Variants in ATP6V1B2 observed in about 807,000 individuals in gnomAD.
ATP6V1B2 encodes ATPase H+ transporting V1 subunit B2.
In ATP6V1B2, 23 loss-of-function variants were observed where a neutral mutation model predicts 66.7. The ratio of observed to expected loss-of-function variants is 0.34; its 90% CI spans 0.25 to 0.49. ATP6V1B2 has a LOEUF of 0.49. ATP6V1B2 is among the 20% of genes least tolerant of loss of function. The pLI is 0.99. For missense variants in ATP6V1B2, 478 were observed against 650.8 expected, an observed-to-expected ratio of 0.73 and a Z score of 2.89; for synonymous variants, 278 against 236.7, an observed-to-expected ratio of 1.17 and a Z score of -1.60.
chr8:20,198,380 G>A (rs1276168014), intron 1 of ATP6V1B2, among the ~76,000 whole-genome samples: 1 of 152,236 alleles, frequency 6.6e-6, no homozygotes, highest in East Asian at 1.9e-4. Flanking sequence ...TAGGTGGTGT[G>A]TGTGCATAGG....
chr8:20,209,736 A>T (rs1160327598), intron 3 of ATP6V1B2, among the ~76,000 whole-genome samples: 1 of 152,186 alleles, frequency 6.6e-6, no homozygotes, highest in African/African-American at 2.4e-5. Flanking sequence ...TGGCTTTTTT[A>T]AAATGGATAA....
At chr8:20,208,694 T>C (rs557219565) in intron 2 of ATP6V1B2, among the ~76,000 whole-genome samples, 1 of 149,156 alleles carries the variant, frequency 6.7e-6, no homozygotes, top group African/African-American at 2.4e-5. Context: ...ATAGTAATTA[T>C]TATTTAGTAA....
At chr8:20,211,131 A>G (rs2072789100) in intron 5 of ATP6V1B2, 46 bp from the exon 6 acceptor site, 3 of 1,590,144 alleles carry the variant, frequency 1.9e-6, no homozygotes, top group Non-Finnish European at 2.6e-6. Context: ...TCATTCATGA[A>G]TAATGCGGCA....
chr8:20,202,076 C>G (rs528498258), intron 1 of ATP6V1B2, among the ~76,000 whole-genome samples: 1 of 152,200 alleles, frequency 6.6e-6, no homozygotes, highest in African/African-American at 2.4e-5. Flanking sequence ...CCTGTCAGTA[C>G]TGCCACATTG....
intron 10 of ATP6V1B2, 136 bp from the exon 11 acceptor site, chr8:20,216,277 C>A: frequency 1.5e-6 from 1 of 665,244 alleles, no homozygotes; most frequent in Non-Finnish European, 2.6e-6. Context: ...CAGAAAATGA[C>A]TCTAAGAACA....
In ATP6V1B2 at chr8:20,209,473, A is replaced by G; in HGVS notation, c.233A>G (p.Asp78Gly). The change falls in exon 3 of 14, where the codon GAT (aspartate) becomes GGT (glycine). Residue 78 changes from aspartate to glycine, a missense_variant. Around this residue, in one of 2 missense-constraint regions of ATP6V1B2, gnomAD observed 152 missense variants for 105.2 expected, o/e 1.44. Transcript: ENST00000276390. ...YAEIVHLTLPDGTKRSGQVLE... is the reference protein window; with the variant it reads ...YAEIVHLTLPGGTKRSGQVLE... ...GAAATTGTCCATTTGACCTTACCGG[A>G]TGGCACAAAGAGAAGTGGGCAAGTT... is the stretch of plus-strand genomic sequence containing the variant. The G allele has an allele frequency of 1.2e-6, 2 of 1,614,002 alleles. No homozygotes were observed. Among genetic ancestry groups the G allele is most frequent in the African/African-American group, 1.3e-5 (1 of 75,020 alleles).
rs1362298820 is a variant in ATP6V1B2, at chr8:20,208,884, A to C, written c.193-549A>C. ...CATGCCTGGCTAATTTTTTATTTTTAAAAAATTAAAAATAAAATTTCACCA... is the reference window on the plus strand; with the variant it reads ...CATGCCTGGCTAATTTTTTATTTTTCAAAAATTAAAAATAAAATTTCACCA... On this transcript the variant is annotated intron_variant, in intron 2 of 13. Coordinates refer to ENST00000276390, the MANE Select transcript of ATP6V1B2 (RefSeq NM_001693.4). Among the ~76,000 whole-genome samples the C allele has an allele frequency of 5.9e-5, 9 of 151,892 alleles. No individual in the cohort carries two copies. In the South Asian group the frequency reaches 1.9e-3, roughly 32 times the overall value.
chr8:20,197,445 C>T lies in ATP6V1B2; in HGVS notation c.39C>T (p.Ala13=). The change falls in exon 1 of 14, where the codon GCC becomes GCT. Residue 13 remains alanine, a synonymous_variant. Transcript: ENST00000276390. ...LRAMRGIVNG[A]APELPVPTGG... is the part of the protein sequence containing the mutation. ...CGATGCGGGGGATTGTCAACGGGGC[C>T]GCACCCGAGCTACCCGTGCCCACCG... is the stretch of plus-strand genomic sequence containing the variant. The T allele has an allele frequency of 2.6e-6, 4 of 1,543,472 alleles. No individual in the cohort carries two copies. Among genetic ancestry groups the T allele is most frequent in the Non-Finnish European group, 2.6e-6 (3 of 1,145,708 alleles).
At chr8:20,201,678 C>G (rs2072689413) in intron 1 of ATP6V1B2, among the ~76,000 whole-genome samples, 1 of 152,166 alleles carries the variant, frequency 6.6e-6, no homozygotes, top group Admixed American at 6.5e-5. Context: ...CATTTAAAAA[C>G]AAACTTATCA....
chr8:20,218,864 C>A (rs2072880799), intron 13 of ATP6V1B2, among the ~76,000 whole-genome samples: 1 of 152,164 alleles, frequency 6.6e-6, no homozygotes, highest in Admixed American at 6.6e-5. Flanking sequence ...CCACCATCCC[C>A]TCAGGCTCAG....
chr8:20,212,714 C>A (rs2072807447), intron 8 of ATP6V1B2, 68 bp from the exon 9 acceptor site: 4 of 1,574,940 alleles, frequency 2.5e-6, no homozygotes, highest in Admixed American at 3.9e-5. Flanking sequence ...TTTCCAGAAT[C>A]ATTTCTTTTT....
At chr8:20,218,089 T>C (rs2072872706) in intron 12 of ATP6V1B2, 64 bp from the exon 13 acceptor site, 2 of 1,583,626 alleles carry the variant, frequency 1.3e-6, no homozygotes, top group Non-Finnish European at 1.7e-6. Context: ...TACATTCCTA[T>C]ATCCCAGATG....
intron 12 of ATP6V1B2, among the ~76,000 whole-genome samples, chr8:20,217,674 G>T (rs763112730): frequency 7.2e-5 from 11 of 152,078 alleles, no homozygotes; most frequent in Non-Finnish European, 1.5e-4. Flanking sequence ...ATATTAAGCC[G>T]TCACCAGAAC....
chr8:20,205,961 C>G lies in ATP6V1B2; in HGVS notation c.192+1422C>G, dbSNP rs17092155. ...TAATTCAACACATTCATGGATTAAA[C>G]TAGAAAAAGCTTATATTCTTCTCAA... On this transcript the variant is annotated intron_variant, in intron 2 of 13. Coordinates refer to ENST00000276390, the MANE Select transcript of ATP6V1B2 (RefSeq NM_001693.4). Among the ~76,000 whole-genome samples, 541 of 152,180 alleles carry G rather than the reference C, an allele frequency of 3.6e-3. 4 individuals are homozygous for G. The highest frequency in any genetic ancestry group is 0.013 in the African/African-American group (522 of 41,530).
chr8:20,218,419 GC>G, intron 13 of ATP6V1B2, 137 bp downstream of exon 13: 1 of 1,164,874 alleles, frequency 8.6e-7, no homozygotes, highest in African/African-American at 1.6e-5. Context: ...TCACCTGCCT[GC>G]CTTAACCCTC....
chr8:20,208,522 A>C (rs2072760402), intron 2 of ATP6V1B2, among the ~76,000 whole-genome samples: 1 of 152,168 alleles, frequency 6.6e-6, no homozygotes, highest in Non-Finnish European at 1.5e-5. Context: ...AGGTCAAGTG[A>C]AAAACAAATT....
At chr8:20,214,684 A>G in intron 9 of ATP6V1B2, 134 bp from the exon 10 acceptor site, 1 of 994,714 alleles carries the variant, frequency 1.0e-6, no homozygotes, top group East Asian at 3.2e-5. Context: ...TTTCTAAATC[A>G]TTCTTAAGGA....
intron 10 of ATP6V1B2, 141 bp from the exon 11 acceptor site, chr8:20,216,272 A>G (rs2072853390): frequency 1.6e-6 from 1 of 642,394 alleles, no homozygotes; most frequent in Non-Finnish European, 2.7e-6. Flanking sequence ...CATCACAGAA[A>G]ATGACTCTAA....
chr8:20,198,345 T>TG (rs1199961312), intron 1 of ATP6V1B2, among the ~76,000 whole-genome samples: 1 of 152,244 alleles, frequency 6.6e-6, no homozygotes, highest in Admixed American at 6.5e-5. Context: ...CAGGGTTCTT[T>TG]GGGGAAGCCA....
Sources: allele counts gnomAD v4.1 joint callset (sites outside exome capture counted in the v4.1 genomes callset), GRCh38; gene constraint gnomAD v4.1.1; regional missense constraint gnomAD v4.1.1; transcripts MANE v1.5; gene names NCBI Gene and HGNC (gene_info 2026-07-23, HGNC 2026-07-21).